Variants in PREX1 observed in about 807,000 individuals in gnomAD.
PREX1 encodes phosphatidylinositol 3,4,5-trisphosphate-dependent Rac exchanger 1 protein.
In PREX1, 41 loss-of-function variants were observed where a neutral mutation model predicts 198.3. That is an observed-to-expected ratio of 0.21 (90% CI 0.16 to 0.27). PREX1 has a LOEUF of 0.27. Ranked by LOEUF, PREX1 falls within the 10% of genes least tolerant of loss-of-function variation. PREX1 has a pLI of 1.00. For missense variants in PREX1, 1,620 were observed against 2,200.7 expected (o/e 0.74, Z 5.28); for synonymous variants, 843 against 887.2 (o/e 0.95, Z 0.89).
intron 10 of PREX1, among the ~76,000 whole-genome samples, chr20:48,686,315 G>A (rs990656297): frequency 1.3e-5 from 2 of 152,180 alleles, no homozygotes; most frequent in Non-Finnish European, 2.9e-5. Context: ...CACACCCTAC[G>A]GCTGTGTGCA....
intron 7 of PREX1, among the ~76,000 whole-genome samples, chr20:48,695,581 G>C (rs1382968687): frequency 6.6e-6 from 1 of 152,138 alleles, no homozygotes; most frequent in African/African-American, 2.4e-5. Context: ...TCTATAACTG[G>C]TATTTTATGT....
chr20:48,887,721 C>T, the PREX1 span, among the ~76,000 whole-genome samples: 29,681 of 152,002 alleles, frequency 0.2, 4,451 homozygotes, highest in African/African-American at 0.43. Context: ...CCGAGGTGGG[C>T]GGATCACGAT....
At chr20:48,737,739 T>C (rs1050923790) in intron 3 of PREX1, among the ~76,000 whole-genome samples, 4 of 152,192 alleles carry the variant, frequency 2.6e-5, no homozygotes, top group African/African-American at 9.7e-5. Flanking sequence ...GAAACTCTCT[T>C]TGAGCTGCTG....
intron 3 of PREX1, among the ~76,000 whole-genome samples, chr20:48,742,688 C>T (rs562088600): frequency 2.0e-5 from 3 of 152,264 alleles, no homozygotes; most frequent in East Asian, 1.9e-4. Context: ...AGAGAGGACA[C>T]GGAAAAGAGG....
chr20:48,768,284 CAGG>C (rs899551513), intron 1 of PREX1, among the ~76,000 whole-genome samples: 64 of 152,200 alleles, frequency 4.2e-4, no homozygotes, highest in African/African-American at 1.5e-3. Context: ...TGTCCATCAA[CAGG>C]AGAACGGATG....
chr20:48,644,532 C>T, intron 26 of PREX1, 35 bp from the exon 27 acceptor site: 1 of 1,585,248 alleles, frequency 6.3e-7, no homozygotes, highest in Non-Finnish European at 8.6e-7. Context: ...CTGAGTCACC[C>T]TGAGCTCAGG....
intron 1 of PREX1, among the ~76,000 whole-genome samples, chr20:48,812,968 T>A (rs756065896): frequency 1.3e-4 from 20 of 152,264 alleles, no homozygotes; most frequent in Non-Finnish European, 2.5e-4. Flanking sequence ...GGGTGAGATC[T>A]TTTTATTCAT....
the PREX1 span, among the ~76,000 whole-genome samples, chr20:48,852,429 ATTTGGC>A: frequency 2.6e-5 from 4 of 152,230 alleles, no homozygotes; most frequent in Non-Finnish European, 5.9e-5. Context: ...GCAGATGTCA[ATTTGGC>A]TGGACCTGTC....
chr20:48,640,179 A>G (rs897777760), intron 29 of PREX1, among the ~76,000 whole-genome samples: 4 of 152,212 alleles, frequency 2.6e-5, no homozygotes, highest in African/African-American at 9.6e-5. Flanking sequence ...CTCACAAATC[A>G]ATCACGGCTT....
chr20:48,632,577 C>G lies in PREX1; in HGVS notation c.4330G>C (p.Asp1444His). The G allele has an allele frequency of 1.2e-6, 2 of 1,613,972 alleles. No individual in the cohort carries two copies. Among genetic ancestry groups the G allele is most frequent in the Middle Eastern group, 1.6e-4 (1 of 6,062 alleles). The change falls in exon 34 of 40, where the codon GAC (aspartate) becomes CAC (histidine). Residue 1444 changes from aspartate (D) to histidine (H), a missense_variant. Asp to His is a moderately conservative substitution (Grantham distance 81). Around this residue, in one of 7 missense-constraint regions of PREX1, gnomAD observed 476 missense variants for 603.4 expected, o/e 0.79. Coordinates refer to ENST00000371941, the MANE Select transcript of PREX1 (RefSeq NM_020820.4). ...RQALKVIFYL[D>H]SYHFSKLPSR... The stretch of plus-strand genomic sequence containing the variant: ...GGCAGCTTGGAGAAGTGGTAGCTGT[C>G]GAGGTAGAAGATGACCTTCAGCGCC...
In PREX1 at chr20:48,654,310, C is replaced by T. The variant is rs117213201; in HGVS notation, c.2210-813G>A. The stretch of plus-strand genomic sequence containing the variant: ...CTCAAGGAATAGCAGCTGGTTTATT[C>T]TTTTTACCGTCTTTGCCTATGAACA... On this transcript the variant is annotated intron_variant, in intron 19 of 39. Coordinates refer to ENST00000371941, the MANE Select transcript of PREX1 (RefSeq NM_020820.4). 1.2e-3 allele frequency among the ~76,000 whole-genome samples: 177 copies of T among 152,348 alleles called. 3 individuals are homozygous for T. In the South Asian group the frequency reaches 0.016, roughly 14 times the overall value.
At chr20:48,646,363 G>A (rs1455312001) in intron 25 of PREX1, among the ~76,000 whole-genome samples, 1 of 152,222 alleles carries the variant, frequency 6.6e-6, no homozygotes, top group East Asian at 1.9e-4. Context: ...GGGCGTGGCT[G>A]TGTTCCAATG....
chr20:48,869,975 A>G, the PREX1 span, among the ~76,000 whole-genome samples: 1 of 152,222 alleles, frequency 6.6e-6, no homozygotes, highest in Admixed American at 6.5e-5. Context: ...CAAACCTGCA[A>G]ACTCTGCACA....
At chr20:48,786,012 T>A (rs562483751) in intron 1 of PREX1, among the ~76,000 whole-genome samples, 11 of 152,152 alleles carry the variant, frequency 7.2e-5, no homozygotes, top group African/African-American at 2.7e-4. Context: ...GGAGGGTCCA[T>A]GAAGACAGTG....
At chr20:48,828,676 C>T (rs956999382), upstream of PREX1, among the ~76,000 whole-genome samples, 3 of 152,192 alleles carry the variant, frequency 2.0e-5, no homozygotes, top group Non-Finnish European at 4.4e-5. Context: ...TTTCCTTTCC[C>T]ATCTCTCTCT....
At chr20:48,674,386 T>C (rs746441318) in intron 14 of PREX1, among the ~76,000 whole-genome samples, 18 of 152,198 alleles carry the variant, frequency 1.2e-4, no homozygotes, top group Non-Finnish European at 2.4e-4. Context: ...AGGCAGCAAA[T>C]TGTTTTCAAA....
intron 19 of PREX1, among the ~76,000 whole-genome samples, chr20:48,654,463 C>G (rs549777890): frequency 6.6e-6 from 1 of 152,192 alleles, no homozygotes; most frequent in East Asian, 1.9e-4. Context: ...CACTGCAGCA[C>G]GTTTAGCAGG....
the PREX1 span, among the ~76,000 whole-genome samples, chr20:48,876,856 C>A: frequency 6.6e-6 from 1 of 152,214 alleles, no homozygotes; most frequent in East Asian, 1.9e-4. Context: ...CAGTCAGAAC[C>A]ATTGGGGTAT....
the PREX1 span, among the ~76,000 whole-genome samples, chr20:48,869,758 A>G: frequency 2.0e-5 from 3 of 152,200 alleles, no homozygotes; most frequent in Non-Finnish European, 4.4e-5. Flanking sequence ...AAAACCAAAC[A>G]CTGCATGTTC....
Sources: gnomAD v4.1 joint callset for allele counts (sites outside exome capture counted in the v4.1 genomes callset) on GRCh38, gnomAD v4.1.1 for gene constraint, gnomAD v4.1.1 regional missense constraint, MANE v1.5 for transcripts, NCBI Gene and HGNC (gene_info 2026-07-23, HGNC 2026-07-21) for gene names.